CTNNA2: variants seen among roughly 807,000 people sequenced by gnomAD.
CTNNA2 encodes catenin alpha-2.
Under a neutral mutation model 101.0 loss-of-function variants are expected in CTNNA2, and 42 were observed. That is an observed-to-expected ratio of 0.42 (90% CI 0.32 to 0.54). The LOEUF is 0.54. Among genes scored for constraint, CTNNA2 ranks in the 20% least tolerant of loss-of-function variants. The pLI is 0.14. For missense variants in CTNNA2, 871 were observed against 1,223.1 expected (o/e 0.71, Z 4.29); for synonymous variants, 450 against 456.4 (o/e 0.99, Z 0.18).
intron 18 of CTNNA2, among the ~76,000 whole-genome samples, chr2:80,642,177 T>C (rs1673568851): frequency 1.3e-5 from 2 of 152,146 alleles, no homozygotes; most frequent in Non-Finnish European, 2.9e-5. Context: ...GTTAGGTATT[T>C]GAGAATTGTC....
At chr2:79,475,827 C>G (rs982198972) in intron 4 of CTNNA2, among the ~76,000 whole-genome samples, 1 of 152,018 alleles carries the variant, frequency 6.6e-6, no homozygotes, top group East Asian at 1.9e-4. Context: ...GTCTATTATG[C>G]TTGGTAATAC....
intron 4 of CTNNA2, among the ~76,000 whole-genome samples, chr2:79,458,479 C>T (rs1670847479): frequency 6.6e-6 from 1 of 152,076 alleles, no homozygotes; most frequent in Non-Finnish European, 1.5e-5. Context: ...TGAGATTTTT[C>T]ATTAGAAACA....
chr2:80,629,454 G>T lies in CTNNA2; in HGVS notation c.2574+10226G>T, dbSNP rs549484102. 9.9e-5 allele frequency among the ~76,000 whole-genome samples: 15 copies of T among 152,270 alleles called. No individual in the cohort carries two copies. In the South Asian group the frequency reaches 1.2e-3, roughly 13 times the overall value. On this transcript the variant is annotated intron_variant, in intron 18 of 18. Transcript: ENST00000402739. ...CTGAAATCCACAGTTCTGAAACTCAGCTCTGAGAAGGGATCAGGAATCTGC... is the reference window on the plus strand; with the variant it reads ...CTGAAATCCACAGTTCTGAAACTCATCTCTGAGAAGGGATCAGGAATCTGC...
chr2:80,060,944 C>T (rs1697558503), intron 7 of CTNNA2, among the ~76,000 whole-genome samples: 1 of 152,240 alleles, frequency 6.6e-6, no homozygotes, highest in Non-Finnish European at 1.5e-5. Flanking sequence ...GGTACAGAGG[C>T]TTGCACAGCT....
intron 4 of CTNNA2, among the ~76,000 whole-genome samples, chr2:79,390,776 T>C (rs1490579542): frequency 6.6e-6 from 1 of 152,140 alleles, no homozygotes; most frequent in Admixed American, 6.5e-5. Context: ...TTGTAAACCA[T>C]CAATAATAGT....
chr2:79,688,237 A>T (rs1162745541), intron 2 of CTNNA2, among the ~76,000 whole-genome samples: 1 of 152,100 alleles, frequency 6.6e-6, no homozygotes, highest in Admixed American at 6.6e-5. Flanking sequence ...GGCTTAAGCC[A>T]AAAAATATCA....
At chr2:80,528,447 C>G (rs534030802) in intron 9 of CTNNA2, among the ~76,000 whole-genome samples, 20 of 152,262 alleles carry the variant, frequency 1.3e-4, no homozygotes, top group African/African-American at 4.6e-4. Flanking sequence ...CTGCCTGCCT[C>G]AGCCTCCCAA....
At chr2:80,630,437 G>C (rs1672160579) in intron 18 of CTNNA2, among the ~76,000 whole-genome samples, 1 of 152,014 alleles carries the variant, frequency 6.6e-6, no homozygotes, top group South Asian at 2.1e-4. Context: ...AAGAGATCAA[G>C]ACCATACTGG....
At chr2:80,279,406 G>T (rs1573582674) in intron 7 of CTNNA2, among the ~76,000 whole-genome samples, 1 of 152,082 alleles carries the variant, frequency 6.6e-6, no homozygotes, top group African/African-American at 2.4e-5. Context: ...AGCGTCTAGT[G>T]CTGCCACTAT....
intron 12 of CTNNA2, among the ~76,000 whole-genome samples, chr2:80,557,511 T>C (rs1285443446): frequency 5.3e-5 from 8 of 152,106 alleles, no homozygotes; most frequent in African/African-American, 1.9e-4. Context: ...CTCACCTGGG[T>C]CTGTCACTAG....
intron 4 of CTNNA2, among the ~76,000 whole-genome samples, chr2:79,374,367 T>C (rs2104457241): frequency 6.6e-6 from 1 of 152,244 alleles, no homozygotes; most frequent in Admixed American, 6.5e-5. Context: ...AATACAATAA[T>C]GGGGCGACTT....
At chr2:80,571,789 G>C (rs1434064) in intron 12 of CTNNA2, among the ~76,000 whole-genome samples, 63,393 of 151,924 alleles carry the variant, frequency 0.42, 13,430 homozygotes, top group South Asian at 0.59. Flanking sequence ...TATCAAAGTG[G>C]TTCCTGAGTT....
chr2:79,559,682 G>A (rs776003233), intron 1 of CTNNA2, among the ~76,000 whole-genome samples: 6 of 151,844 alleles, frequency 4.0e-5, no homozygotes, highest in Non-Finnish European at 8.8e-5. Context: ...CAGAGAGTAC[G>A]TGGAAGTAGG....
chr2:79,620,966 G>T (rs774031028), intron 1 of CTNNA2, among the ~76,000 whole-genome samples: 3 of 152,128 alleles, frequency 2.0e-5, no homozygotes, highest in Non-Finnish European at 2.9e-5. Flanking sequence ...TCACTGGTCT[G>T]CAGGCTTTAC....
At chr2:79,803,565 G>A (rs557001127) in intron 3 of CTNNA2, among the ~76,000 whole-genome samples, 1 of 152,366 alleles carries the variant, frequency 6.6e-6, no homozygotes, top group African/African-American at 2.4e-5. Context: ...ATGCCTTTAA[G>A]CAGTTTTCCG....
intron 7 of CTNNA2, among the ~76,000 whole-genome samples, chr2:79,960,226 A>G (rs188557065): frequency 3.9e-5 from 6 of 152,356 alleles, no homozygotes; most frequent in East Asian, 1.9e-4. Flanking sequence ...TTGTCTTGCA[A>G]TTCTGCTGAC....
chr2:80,216,593 C>A (rs1268063168), intron 7 of CTNNA2, among the ~76,000 whole-genome samples: 1 of 152,012 alleles, frequency 6.6e-6, no homozygotes, highest in Non-Finnish European at 1.5e-5. Flanking sequence ...CTCTTTTTAC[C>A]ATGTGAGGAT....
intron 3 of CTNNA2, among the ~76,000 whole-genome samples, chr2:79,365,643 AG>A (rs1207979565): frequency 6.6e-6 from 1 of 151,194 alleles, no homozygotes; most frequent in Non-Finnish European, 1.5e-5. Flanking sequence ...AAGGAGAAAA[AG>A]GAAAAAAAAA....
chr2:79,205,430 C>G (rs1674088444), intron 2 of CTNNA2, among the ~76,000 whole-genome samples: 1 of 152,174 alleles, frequency 6.6e-6, no homozygotes, highest in South Asian at 2.1e-4. Context: ...TGGTTTGTTA[C>G]TCAGCAATAG....
Sources: allele counts gnomAD v4.1 joint callset (sites outside exome capture counted in the v4.1 genomes callset), GRCh38; gene constraint gnomAD v4.1.1; transcripts MANE v1.5; gene names NCBI Gene and HGNC (gene_info 2026-07-23, HGNC 2026-07-21).